ESF1: variants seen among roughly 807,000 people sequenced by gnomAD.
The protein encoded by ESF1 is ESF1 homolog.
Under a neutral mutation model 92.0 loss-of-function variants are expected in ESF1, and 58 were observed. That is an observed-to-expected ratio of 0.63 (90% CI 0.51 to 0.78). ESF1 has a LOEUF of 0.78. Among genes scored for constraint, ESF1 ranks in the 30% least tolerant of loss-of-function variants. The probability of loss-of-function intolerance (pLI) is 0.00; values close to 1 mark genes in which losing one functional copy is unlikely to be tolerated. For synonymous variants in ESF1, 321 were observed against 313.7 expected (o/e 1.02, Z -0.24); for missense variants, 922 against 989.1 (o/e 0.93, Z 0.91).
In ESF1 at chr20:13,725,224, G is replaced by A. The variant is rs147584886; in HGVS notation, c.2038+3154C>T. Reference sequence around the variant, plus strand: ...ACAGTATAAATCCATAAACCAATCAGGTAAATCCCTCATCCTTCTGCCACC... The same window carrying A: ...ACAGTATAAATCCATAAACCAATCAAGTAAATCCCTCATCCTTCTGCCACC... On this transcript the variant is annotated intron_variant, in intron 11 of 13. Transcript: ENST00000617257. Among the ~76,000 whole-genome samples, 6 of 152,148 alleles carry A rather than the reference G, an allele frequency of 3.9e-5. No individual in the cohort carries two copies. The East Asian group carries it at 1.2e-3, about 29-fold the overall frequency.
At chr20:13,772,687 AG>A in intron 4 of ESF1, 72 bp from the exon 5 acceptor site, 1 of 1,098,686 alleles carries the variant, frequency 9.1e-7, no homozygotes, top group South Asian at 1.3e-5. Context: ...TGTCGAAGTC[AG>A]GAACTCTAAA....
chr20:13,769,916 T>G lies in ESF1; in HGVS notation c.1509A>C (p.Gly503=). The G allele has an allele frequency of 1.9e-6, 3 of 1,603,494 alleles. No homozygotes were observed. The highest frequency in any genetic ancestry group is 2.6e-6 in the Non-Finnish European group (3 of 1,171,596). ...TAAAGTAAAGAAATACCGTTGATGTTCCCATTGCAGCAGAAGTGAAATATT... is the reference window on the plus strand; with the variant it reads ...TAAAGTAAAGAAATACCGTTGATGTGCCCATTGCAGCAGAAGTGAAATATT... ...KPKYFTSAAM[G]TSTVEITWDE... is the part of the protein sequence containing the mutation. The change falls in exon 7 of 14, where the codon GGA becomes GGC. Residue 503 remains glycine, a synonymous_variant. Transcript: ENST00000617257.
At chr20:13,736,790 A>AT (rs2049978135) in intron 9 of ESF1, among the ~76,000 whole-genome samples, 1 of 152,036 alleles carries the variant, frequency 6.6e-6, no homozygotes, top group African/African-American at 2.4e-5. Flanking sequence ...AGGAAATAAT[A>AT]TTTTTCTGGT....
intron 9 of ESF1, among the ~76,000 whole-genome samples, chr20:13,751,183 AAC>A (rs1978616918): frequency 6.6e-6 from 1 of 152,238 alleles, no homozygotes; most frequent in Non-Finnish European, 1.5e-5. Flanking sequence ...CTGTCAAAAT[AAC>A]ACACGGAACA....
rs772886789 is a variant in ESF1 at position 13,783,158 on chromosome 20, G to A, written c.-18C>T. On this transcript the variant is annotated 5_prime_UTR_variant, in exon 2 of 14. Transcript: ENST00000617257. The stretch of plus-strand genomic sequence containing the variant: ...GATGACATTTTTAATTCTTAATCTC[G>A]ACCAAATGCTTGAAGAAAACAAATA... 2.7e-5 allele frequency: 43 copies of A among 1,579,770 alleles called. No individual in the cohort carries two copies. Among genetic ancestry groups the A allele is most frequent in the Non-Finnish European group, 3.5e-5 (41 of 1,161,386 alleles).
intron 9 of ESF1, among the ~76,000 whole-genome samples, chr20:13,748,678 C>T (rs1230105799): frequency 2.0e-5 from 3 of 149,444 alleles, no homozygotes; most frequent in African/African-American, 7.4e-5. Flanking sequence ...ACCTCCACTC[C>T]GAGGTTCACG....
intron 13 of ESF1, among the ~76,000 whole-genome samples, chr20:13,715,863 G>C (rs538060311): frequency 6.6e-6 from 1 of 152,308 alleles, no homozygotes; most frequent in South Asian, 2.1e-4. Context: ...ATAGATTGTA[G>C]CTTTACTTAG....
At chr20:13,746,307 T>C (rs140692215) in intron 9 of ESF1, among the ~76,000 whole-genome samples, 91 of 152,306 alleles carry the variant, frequency 6.0e-4, no homozygotes, top group African/African-American at 2.0e-3. Flanking sequence ...CTTTAATATA[T>C]AAATATATAC....
Position 13,751,989 on chromosome 20 carries a change from C to T in ESF1, c.1828+7703G>A, listed in dbSNP as rs115622775. 5.0e-3 allele frequency among the ~76,000 whole-genome samples: 757 copies of T among 151,490 alleles called. 8 individuals are homozygous for T. The highest frequency in any genetic ancestry group is 0.018 in the African/African-American group (733 of 41,308). On this transcript the variant is annotated intron_variant, in intron 9 of 13. Coordinates refer to ENST00000617257, the MANE Select transcript of ESF1 (RefSeq NM_001276380.2). ...CAGCCCAGGCGACAGAAGAATGTCT[C>T]AAAATAAATAAATAAAATAAAATAA...
chr20:13,715,405 G>T (rs750606938), intron 13 of ESF1, among the ~76,000 whole-genome samples: 15 of 152,064 alleles, frequency 9.9e-5, no homozygotes, highest in Non-Finnish European at 1.8e-4. Flanking sequence ...ATTTCAAAGG[G>T]AATTATAGTG....
At position 13,714,713 on chromosome 20, in the gene ESF1, A is replaced by T; in HGVS notation, c.*161T>A. 4 of 642,256 alleles carry T rather than the reference A, an allele frequency of 6.2e-6. No individual in the cohort carries two copies. The highest frequency in any genetic ancestry group is 4.4e-4 in the Middle Eastern group (1 of 2,280). 39.8% of individuals were successfully genotyped at this position (642,256 alleles called of 1,614,324 possible). Reference sequence around the variant, plus strand: ...CAATAAAAATTTGTCAGTCATCCACAATTAAGTACAATTATTTATGGAGAA... The same window carrying T: ...CAATAAAAATTTGTCAGTCATCCACTATTAAGTACAATTATTTATGGAGAA... On this transcript the variant is annotated 3_prime_UTR_variant, in exon 14 of 14. Coordinates refer to ENST00000617257, the MANE Select transcript of ESF1 (RefSeq NM_001276380.2).
At chr20:13,734,642 T>C (rs1245796978) in intron 9 of ESF1, among the ~76,000 whole-genome samples, 2 of 152,208 alleles carry the variant, frequency 1.3e-5, no homozygotes, top group African/African-American at 4.8e-5. Flanking sequence ...ACCCTCATTA[T>C]TGCCAAAGTA....
At chr20:13,766,648 T>C in intron 8 of ESF1, 129 bp downstream of exon 8, 1 of 810,448 alleles carries the variant, frequency 1.2e-6, no homozygotes, top group Non-Finnish European at 1.8e-6. Context: ...TTTAAAAAAA[T>C]CAATCACTAT....
chr20:13,762,134 A>T (rs545596241), intron 8 of ESF1, among the ~76,000 whole-genome samples: 1 of 152,078 alleles, frequency 6.6e-6, no homozygotes, highest in Non-Finnish European at 1.5e-5. Flanking sequence ...GCAAGTCCTT[A>T]TATCATCAAT....
intron 2 of ESF1, among the ~76,000 whole-genome samples, chr20:13,778,433 A>G (rs1980038819): frequency 6.7e-6 from 1 of 149,198 alleles, no homozygotes; most frequent in South Asian, 2.2e-4. Flanking sequence ...ACTGTCAGTC[A>G]TTATACCATT....
Position 13,728,465 on chromosome 20 carries a change from C to A in ESF1, c.1951G>T (p.Ala651Ser), listed in dbSNP as rs777524988. 6.2e-5 allele frequency: 99 copies of A among 1,599,974 alleles called. 1 individual carries two copies. The Admixed American group carries it at 6.6e-4, about 11-fold the overall frequency. Residue 651 changes from alanine (A) to serine (S), a missense_variant and splice_region_variant, in exon 11 of 14, where the codon GCT becomes TCT. Coordinates refer to ENST00000617257, the MANE Select transcript of ESF1 (RefSeq NM_001276380.2). The stretch of plus-strand genomic sequence containing the variant: ...TCTTCACTGGCCTCTTCAGCAAGAG[C>A]CTTAAAAGTTGAATATAAAAATACA... ...EKKRLKRKQK[A>S]LAEEASEEEL...
chr20:13,748,515 TAC>T (rs1555823536), intron 9 of ESF1, among the ~76,000 whole-genome samples: 33 of 133,126 alleles, frequency 2.5e-4, no homozygotes, highest in African/African-American at 8.2e-4. Context: ...CACATATATA[TAC>T]ACATATATAT....
chr20:13,748,556 A>T (rs1446008556), intron 9 of ESF1, among the ~76,000 whole-genome samples: 1 of 47,736 alleles, frequency 2.1e-5, no homozygotes, highest in African/African-American at 7.5e-5. Flanking sequence ...GTGTATATAT[A>T]TATATATATG....
intron 13 of ESF1, among the ~76,000 whole-genome samples, chr20:13,715,607 T>C (rs2049819258): frequency 6.6e-6 from 1 of 152,204 alleles, no homozygotes. Flanking sequence ...ATTTTAATCT[T>C]GGTGCCAAAA....
Sources: allele counts gnomAD v4.1 joint callset (sites outside exome capture counted in the v4.1 genomes callset), GRCh38; gene constraint gnomAD v4.1.1; transcripts MANE v1.5; gene names NCBI Gene and HGNC (gene_info 2026-07-23, HGNC 2026-07-21).